PPIG: variants seen among roughly 807,000 people sequenced by gnomAD.
PPIG encodes the protein peptidyl-prolyl cis-trans isomerase G.
Under a neutral mutation model 87.9 loss-of-function variants are expected in PPIG, and 26 were observed. That is an observed-to-expected ratio of 0.30 (90% confidence interval 0.22 to 0.41). PPIG has a LOEUF of 0.41. PPIG is among the 10% of genes least tolerant of loss of function. The pLI is 1.00. For missense variants in PPIG, 722 were observed against 879.4 expected (o/e 0.82, Z 2.26); for synonymous variants, 308 against 276.5 (o/e 1.11, Z -1.13).
Position 169,639,216 on chromosome 2 carries a change from G to A in PPIG, c.*1693G>A, listed in dbSNP as rs1686258112. 6.6e-6 allele frequency: 1 copy of A among 151,850 alleles called. No individual in the cohort carries two copies. The highest frequency in any genetic ancestry group is 2.4e-5 in the African/African-American group (1 of 41,368). The allele number at this position is 151,850 out of a possible 1,614,324, so 9.4% of individuals were successfully genotyped here. A position where few individuals can be genotyped will look rare whatever the true frequency, so the allele number is the denominator to read the frequency against. Reference sequence around the variant, plus strand: ...GTAGATGTTTATTATAAAATCCAAGGTGATTGATTCCTTAGAGACTGACCA... The same window carrying A: ...GTAGATGTTTATTATAAAATCCAAGATGATTGATTCCTTAGAGACTGACCA... On this transcript the variant is annotated 3_prime_UTR_variant, in exon 14 of 14. Transcript: ENST00000260970.
intron 6 of PPIG, among the ~76,000 whole-genome samples, chr2:169,607,390 G>T (rs551803717): frequency 6.6e-6 from 1 of 151,978 alleles, no homozygotes; most frequent in African/African-American, 2.4e-5. Flanking sequence ...TTAATTCTTA[G>T]AATTTTAATG....
At position 169,638,230 on chromosome 2, in the gene PPIG, T is replaced by G. The variant is rs1193925371; in HGVS notation, c.*707T>G. The G allele has an allele frequency of 6.6e-6, 1 of 152,004 alleles. No homozygotes were observed. Among genetic ancestry groups the G allele is most frequent in the Non-Finnish European group, 1.5e-5 (1 of 67,908 alleles). 9.4% of individuals were successfully genotyped at this position (152,004 alleles called of 1,614,324 possible). A position where few individuals can be genotyped will look rare whatever the true frequency, so the allele number is the denominator to read the frequency against. ...AGCTTGAGTTGCTGTTATACAGCAT[T>G]TGACAGGAACTATACCTTGGAAAAT... On this transcript the variant is annotated 3_prime_UTR_variant, in exon 14 of 14. Coordinates refer to ENST00000260970, the MANE Select transcript of PPIG (RefSeq NM_004792.3).
chr2:169,598,445 C>T (rs544820075), intron 1 of PPIG, among the ~76,000 whole-genome samples: 2 of 152,184 alleles, frequency 1.3e-5, no homozygotes, highest in South Asian at 2.1e-4. Flanking sequence ...CGCCTGCCAC[C>T]ACACCCGGCT....
intron 5 of PPIG, 114 bp from the exon 6 acceptor site, chr2:169,606,990 C>T (rs952707409): frequency 1.1e-5 from 8 of 709,374 alleles, no homozygotes; most frequent in South Asian, 9.0e-5. Flanking sequence ...CTGCAATCTT[C>T]GAATATTGTT....
chr2:169,595,303 A>G (rs1029814911), intron 1 of PPIG, among the ~76,000 whole-genome samples: 3 of 152,208 alleles, frequency 2.0e-5, no homozygotes, highest in African/African-American at 7.2e-5. Context: ...CATAGTAGGT[A>G]TATTTATGGG....
intron 1 of PPIG, among the ~76,000 whole-genome samples, chr2:169,586,369 C>T (rs1367683126): frequency 2.0e-5 from 3 of 152,180 alleles, no homozygotes; most frequent in Non-Finnish European, 2.9e-5. Context: ...TCTTTCTGAG[C>T]TTCAGTTTCT....
At position 169,640,422 on chromosome 2, in the gene PPIG, A is replaced by G. The variant is rs1393141529; in HGVS notation, c.*2899A>G. On this transcript the variant is annotated 3_prime_UTR_variant, in exon 14 of 14. Coordinates refer to ENST00000260970, the MANE Select transcript of PPIG (RefSeq NM_004792.3). ...ACAATTCTAATTTATTTTAGTTAGT[A>G]TATGTAGCAAGTTAGTATGTTTGTT... 1.3e-5 allele frequency: 2 copies of G among 152,168 alleles called. No homozygotes were observed. Among genetic ancestry groups the G allele is most frequent in the Non-Finnish European group, 1.5e-5 (1 of 68,014 alleles). The allele number at this position is 152,168 out of a possible 1,614,324, so 9.4% of individuals were successfully genotyped here.
At chr2:169,609,442 TAC>T (rs746499283) in intron 7 of PPIG, among the ~76,000 whole-genome samples, 3 of 123,840 alleles carry the variant, frequency 2.4e-5, no homozygotes, top group Non-Finnish European at 5.4e-5. Context: ...AGGCTGGGAT[TAC>T]ACATGTGAGC....
At chr2:169,632,222 A>T (rs941270909) in intron 11 of PPIG, among the ~76,000 whole-genome samples, 5 of 152,246 alleles carry the variant, frequency 3.3e-5, no homozygotes, top group African/African-American at 1.2e-4. Flanking sequence ...TTTAACCAGT[A>T]AAACAAGATA....
chr2:169,600,523 T>G (rs1685151196), intron 1 of PPIG, among the ~76,000 whole-genome samples: 1 of 152,198 alleles, frequency 6.6e-6, no homozygotes, highest in South Asian at 2.1e-4. Context: ...ATTCTGAAAA[T>G]CCAAAATGCT....
Position 169,636,196 on chromosome 2 carries a change from A to G in PPIG, c.1122A>G (p.Val374=), listed in dbSNP as rs780425549. 4 of 1,610,174 alleles carry G rather than the reference A, an allele frequency of 2.5e-6. No individual in the cohort carries two copies. The South Asian group carries it at 3.3e-5, about 13-fold the overall frequency. Residue 374 remains valine, a synonymous_variant, in exon 13 of 14, where the codon GTA becomes GTG. Coordinates refer to ENST00000260970, the MANE Select transcript of PPIG (RefSeq NM_004792.3). ...QEMQRAQRMR[V]SSGERWIKGD... ...TGCAGAGAGCTCAAAGAATGAGGGT[A>G]TCAAGTGGTGAAAGATGGATCAAGG...
At chr2:169,600,507 C>T (rs1685151084) in intron 1 of PPIG, among the ~76,000 whole-genome samples, 1 of 152,204 alleles carries the variant, frequency 6.6e-6, no homozygotes, top group East Asian at 1.9e-4. Context: ...CCAGTTAAAC[C>T]TTCCAATTCT....
At chr2:169,630,102 G>A (rs1234894970) in intron 9 of PPIG, among the ~76,000 whole-genome samples, 1 of 149,704 alleles carries the variant, frequency 6.7e-6, no homozygotes, top group Non-Finnish European at 1.5e-5. Context: ...ACACCTTCTA[G>A]CTTCACTTAT....
chr2:169,622,105 T>C lies in PPIG; in HGVS notation c.547+7381T>C, dbSNP rs142512392. 7.2e-5 allele frequency among the ~76,000 whole-genome samples: 11 copies of C among 152,110 alleles called. No homozygotes were observed. The East Asian group carries it at 1.9e-3, about 27-fold the overall frequency. Reference sequence around the variant, plus strand: ...AGTTAAGGATGCTGCGTGGTTTATATGTTCAGAAAGAGATTGAGGTAATAA... The same window carrying C: ...AGTTAAGGATGCTGCGTGGTTTATACGTTCAGAAAGAGATTGAGGTAATAA... On this transcript the variant is annotated intron_variant, in intron 9 of 13. Transcript: ENST00000260970.
Position 169,633,989 on chromosome 2 carries a change from C to T in PPIG, c.1017+742C>T, listed in dbSNP as rs529910611. On this transcript the variant is annotated intron_variant, in intron 12 of 13. Transcript: ENST00000260970. ...GATTACAGGCACATGCCACCATGCC[C>T]GGCTAATTTTTGTATTTTTAGTAGA... Among the ~76,000 whole-genome samples, 14 of 151,822 alleles carry T rather than the reference C, an allele frequency of 9.2e-5. No homozygotes were observed. The South Asian group carries it at 1.7e-3, about 18-fold the overall frequency.
At chr2:169,627,582 A>G (rs1685924478) in intron 9 of PPIG, among the ~76,000 whole-genome samples, 2 of 151,958 alleles carry the variant, frequency 1.3e-5, no homozygotes, top group Admixed American at 6.6e-5. Flanking sequence ...GCTAGAATGC[A>G]GTGGTGCGAT....
chr2:169,629,831 C>G (rs1685988894), intron 9 of PPIG, among the ~76,000 whole-genome samples: 1 of 152,150 alleles, frequency 6.6e-6, no homozygotes, highest in South Asian at 2.1e-4. Flanking sequence ...TCCCTTCATT[C>G]ATTTCATTAG....
chr2:169,600,803 T>A (rs909764727), intron 1 of PPIG, among the ~76,000 whole-genome samples: 1 of 152,186 alleles, frequency 6.6e-6, no homozygotes, highest in African/African-American at 2.4e-5. Context: ...TATAACTCAT[T>A]TACTTAGAGA....
chr2:169,607,033 G>A, intron 5 of PPIG, 71 bp from the exon 6 acceptor site: 1 of 906,820 alleles, frequency 1.1e-6, no homozygotes, highest in South Asian at 1.6e-5. Context: ...TACTTTACAA[G>A]AAGTATTTTG....
Sources: gnomAD v4.1 joint callset for allele counts (sites outside exome capture counted in the v4.1 genomes callset) on GRCh38, gnomAD v4.1.1 for gene constraint, MANE v1.5 for transcripts, NCBI Gene and HGNC (gene_info 2026-07-23, HGNC 2026-07-21) for gene names.